The following CYP7B1 variants were observed in gnomAD, a reference collection of about 807,000 sequenced individuals.
CYP7B1 encodes the protein cytochrome P450 7B1.
Under a neutral mutation model 42.7 loss-of-function variants are expected in CYP7B1, and 29 were observed. The ratio of observed to expected loss-of-function variants is 0.68; its 90% confidence interval spans 0.51 to 0.93. The LOEUF (loss-of-function observed/expected upper bound fraction) is 0.93, where lower values mean the gene tolerates loss of function less well. CYP7B1 is among the 40% of genes least tolerant of loss of function. CYP7B1 has a pLI of 0.00. For missense variants in CYP7B1, 655 were observed against 600.5 expected, an observed-to-expected ratio of 1.09 and a Z score of -0.95; for synonymous variants, 235 against 218.2, an observed-to-expected ratio of 1.08 and a Z score of -0.68.
chr8:64,671,611 TTGCCTGAGAG>T (rs1806368956), intron 1 of CYP7B1, among the ~76,000 whole-genome samples: 1 of 152,130 alleles, frequency 6.6e-6, no homozygotes, highest in Non-Finnish European at 1.5e-5. Flanking sequence ...GCATCAACCC[TTGCCTGAGAG>T]TGCCTAGCTG....
chr8:64,745,265 T>C (rs1433439695), intron 1 of CYP7B1, among the ~76,000 whole-genome samples: 1 of 152,246 alleles, frequency 6.6e-6, no homozygotes, highest in African/African-American at 2.4e-5. Context: ...AATGTCCTTT[T>C]TAATATTTAT....
intron 1 of CYP7B1, among the ~76,000 whole-genome samples, chr8:64,793,624 A>G (rs1804657773): frequency 1.3e-5 from 2 of 152,302 alleles, no homozygotes; most frequent in East Asian, 3.9e-4. Flanking sequence ...TCCAGTTCTA[A>G]GTAAGAAGTC....
chr8:64,667,491 C>G (rs921149106), intron 1 of CYP7B1, among the ~76,000 whole-genome samples: 4 of 152,128 alleles, frequency 2.6e-5, no homozygotes, highest in African/African-American at 9.7e-5. Flanking sequence ...GCTTTGGGAC[C>G]TGGTGACAAT....
At chr8:64,776,668 G>A (rs907471693) in intron 1 of CYP7B1, among the ~76,000 whole-genome samples, 3 of 152,098 alleles carry the variant, frequency 2.0e-5, no homozygotes, top group African/African-American at 7.2e-5. Flanking sequence ...TGGCAGCATG[G>A]CATTTGAGAA....
intron 1 of CYP7B1, among the ~76,000 whole-genome samples, chr8:64,640,138 G>A (rs1173133012): frequency 6.6e-6 from 1 of 152,106 alleles, no homozygotes; most frequent in Non-Finnish European, 1.5e-5. Context: ...GGGGTTGAGG[G>A]TAGGAGCAGG....
intron 1 of CYP7B1, among the ~76,000 whole-genome samples, chr8:64,633,503 A>G (rs2129630777): frequency 6.6e-6 from 1 of 152,346 alleles, no homozygotes; most frequent in African/African-American, 2.4e-5. Flanking sequence ...TACTACTTAC[A>G]TTAATCAAAA....
intron 1 of CYP7B1, among the ~76,000 whole-genome samples, chr8:64,742,498 CTG>C (rs1807585063): frequency 6.6e-6 from 1 of 152,154 alleles, no homozygotes; most frequent in South Asian, 2.1e-4. Context: ...TTTATATTCT[CTG>C]TTAAAATATA....
chr8:64,658,521 T>C (rs963912013), intron 1 of CYP7B1, among the ~76,000 whole-genome samples: 3 of 152,212 alleles, frequency 2.0e-5, no homozygotes, highest in African/African-American at 7.2e-5. Flanking sequence ...TTCCAGGCTT[T>C]AGTGACTCAT....
intron 1 of CYP7B1, chr8:64,734,314 T>C (rs954046152): frequency 6.6e-6 from 1 of 152,164 alleles, no homozygotes; most frequent in South Asian, 2.1e-4. Flanking sequence ...GACTGGGTAA[T>C]TTATAAAGTA....
chr8:64,788,967 C>A (rs532652913), intron 1 of CYP7B1, among the ~76,000 whole-genome samples: 1 of 152,198 alleles, frequency 6.6e-6, no homozygotes, highest in Non-Finnish European at 1.5e-5. Context: ...GTCGCCCAGC[C>A]TGGAGTGCAG....
chr8:64,636,162 G>C (rs1805767415), intron 1 of CYP7B1, among the ~76,000 whole-genome samples: 1 of 152,076 alleles, frequency 6.6e-6, no homozygotes, highest in Non-Finnish European at 1.5e-5. Context: ...AGGGTTCTAG[G>C]GTTCTAACCC....
intron 1 of CYP7B1, among the ~76,000 whole-genome samples, chr8:64,643,156 TATATACAC>T (rs1805890220): frequency 1.9e-5 from 2 of 106,152 alleles, no homozygotes; most frequent in South Asian, 2.9e-4. Context: ...CATATATACA[TATATACAC>T]ATATATACAT....
chr8:64,670,875 T>G (rs4477068), intron 1 of CYP7B1, among the ~76,000 whole-genome samples: 7,285 of 152,218 alleles, frequency 0.048, 601 homozygotes, highest in East Asian at 0.32. Context: ...CCTAGTCTTT[T>G]TTTTTTAAAC....
intron 1 of CYP7B1, among the ~76,000 whole-genome samples, chr8:64,675,965 G>C (rs1403832780): frequency 6.6e-6 from 1 of 152,102 alleles, no homozygotes; most frequent in Non-Finnish European, 1.5e-5. Context: ...CACAAACTCA[G>C]AGCTCCTTGA....
chr8:64,616,616 A>G (rs545343939), intron 2 of CYP7B1, among the ~76,000 whole-genome samples: 5 of 152,324 alleles, frequency 3.3e-5, no homozygotes, highest in South Asian at 4.1e-4. Flanking sequence ...AATACTTCTC[A>G]TATATTTCCC....
intron 1 of CYP7B1, among the ~76,000 whole-genome samples, chr8:64,712,460 T>C (rs1404583252): frequency 6.6e-6 from 1 of 152,094 alleles, no homozygotes; most frequent in Non-Finnish European, 1.5e-5. Context: ...CATCATTTTA[T>C]AAGACATCAT....
chr8:64,732,492 C>T (rs139858000), intron 1 of CYP7B1, among the ~76,000 whole-genome samples: 10 of 152,262 alleles, frequency 6.6e-5, no homozygotes, highest in African/African-American at 2.2e-4. Context: ...TTGCTTTTGA[C>T]TTCACAGGCT....
intron 1 of CYP7B1, among the ~76,000 whole-genome samples, chr8:64,701,728 C>T (rs1224922815): frequency 1.3e-5 from 2 of 152,102 alleles, no homozygotes; most frequent in East Asian, 3.9e-4. Context: ...ACACACATAA[C>T]GGGCACTACC....
intron 1 of CYP7B1, among the ~76,000 whole-genome samples, chr8:64,685,056 G>C (rs771671069): frequency 7.2e-5 from 11 of 152,170 alleles, no homozygotes; most frequent in Non-Finnish European, 8.8e-5. Context: ...AAATGACCCA[G>C]CAATTTCACT....
Sources: gnomAD v4.1 joint callset for allele counts (sites outside exome capture counted in the v4.1 genomes callset) on GRCh38, gnomAD v4.1.1 for gene constraint, MANE v1.5 for transcripts, NCBI Gene and HGNC (gene_info 2026-07-23, HGNC 2026-07-21) for gene names.